The following CHRM5 variants were observed in gnomAD, a reference collection of about 807,000 sequenced individuals.
CHRM5 encodes the protein cholinergic receptor muscarinic 5.
CHRM5 carries 18 observed loss-of-function variants against 39.0 expected under a neutral mutation model. That is an observed-to-expected ratio of 0.46 (90% CI 0.32 to 0.68). The LOEUF is 0.68. CHRM5 is among the 30% of genes least tolerant of loss of function. The probability of loss-of-function intolerance (pLI) is 0.04; values close to 1 mark genes in which losing one functional copy is unlikely to be tolerated. For synonymous variants in CHRM5, 241 were observed against 246.3 expected (o/e 0.98, Z 0.20); for missense variants, 515 against 651.1 (o/e 0.79, Z 2.28).
At position 34,065,487 on chromosome 15, in the gene CHRM5, T is replaced by C. The variant is rs1294840563; in HGVS notation, c.*1171T>C. 1 of 152,198 alleles carries C rather than the reference T, an allele frequency of 6.6e-6. No homozygotes were observed. Among genetic ancestry groups the C allele is most frequent in the East Asian group, 1.9e-4 (1 of 5,198 alleles). The allele number at this position is 152,198 out of a possible 1,614,324, so 9.4% of individuals were successfully genotyped here. ...GGTGGGGGTAGAAAGTCTTTTTTTA[T>C]AGGTCCTTCAAATCAGGGCCTAAAA... On this transcript the variant is annotated 3_prime_UTR_variant, in exon 3 of 3. Transcript: ENST00000383263.
intron 2 of CHRM5, among the ~76,000 whole-genome samples, chr15:34,047,566 C>CA (rs1183123846): frequency 6.6e-6 from 1 of 152,158 alleles, no homozygotes; most frequent in Non-Finnish European, 1.5e-5. Flanking sequence ...CAGTAAAAGC[C>CA]AGAGTCTGCC....
chr15:34,025,016 C>A (rs1207763703), intron 1 of CHRM5, among the ~76,000 whole-genome samples: 2 of 151,670 alleles, frequency 1.3e-5, no homozygotes, highest in Admixed American at 1.3e-4. Context: ...ACTAAAAATA[C>A]AAAAATTAGC....
At chr15:33,989,446 A>C (rs374362523) in intron 1 of CHRM5, among the ~76,000 whole-genome samples, 1 of 140,434 alleles carries the variant, frequency 7.1e-6, no homozygotes, top group East Asian at 2.1e-4. Context: ...TTTTGTTTGG[A>C]GTTTAAAAAA....
intron 1 of CHRM5, among the ~76,000 whole-genome samples, chr15:33,974,910 T>C (rs1895818395): frequency 1.3e-5 from 2 of 152,144 alleles, no homozygotes; most frequent in South Asian, 4.1e-4. Context: ...AGGTGGAGCT[T>C]GCAGTGAGCC....
intron 1 of CHRM5, among the ~76,000 whole-genome samples, chr15:34,021,163 T>C (rs1898182639): frequency 6.6e-6 from 1 of 152,182 alleles, no homozygotes; most frequent in Admixed American, 6.5e-5. Flanking sequence ...TGGGTGAATT[T>C]TTCTATGAAA....
intron 1 of CHRM5, among the ~76,000 whole-genome samples, chr15:34,002,004 T>A (rs1897154852): frequency 6.6e-6 from 1 of 152,228 alleles, no homozygotes; most frequent in Non-Finnish European, 1.5e-5. Context: ...TTTAGCGACG[T>A]AATTGCAGAT....
chr15:33,997,597 C>G (rs1225291336), intron 1 of CHRM5, among the ~76,000 whole-genome samples: 1 of 152,188 alleles, frequency 6.6e-6, no homozygotes, highest in Non-Finnish European at 1.5e-5. Flanking sequence ...ACCTCTCCAA[C>G]TCACACTTTC....
intron 1 of CHRM5, among the ~76,000 whole-genome samples, chr15:34,015,747 G>A (rs927419017): frequency 1.4e-4 from 22 of 151,910 alleles, no homozygotes; most frequent in African/African-American, 4.1e-4. Flanking sequence ...TCAATGACAC[G>A]TCTCACACGG....
chr15:34,006,771 CAA>C (rs1367389341), intron 1 of CHRM5, among the ~76,000 whole-genome samples: 2 of 152,092 alleles, frequency 1.3e-5, no homozygotes, highest in Non-Finnish European at 2.9e-5. Flanking sequence ...CCTTCATTCA[CAA>C]GAGAGTAGTA....
chr15:34,007,374 G>A (rs138480872), intron 1 of CHRM5, among the ~76,000 whole-genome samples: 10 of 152,292 alleles, frequency 6.6e-5, no homozygotes, highest in South Asian at 2.1e-4. Context: ...CAGAAGAGCC[G>A]ACGGCCCCTT....
chr15:34,027,013 G>A lies in CHRM5; in HGVS notation c.-407-19527G>A, dbSNP rs895662603. ...GGCTGCTTCAAAAAATAGAATAGAAGTACTTCCAGAATGATAAAGACCTCT... is the reference window on the plus strand; with the variant it reads ...GGCTGCTTCAAAAAATAGAATAGAAATACTTCCAGAATGATAAAGACCTCT... On this transcript the variant is annotated intron_variant, in intron 1 of 2. Coordinates refer to ENST00000383263, the MANE Select transcript of CHRM5 (RefSeq NM_012125.4). 4.4e-5 allele frequency among the ~76,000 whole-genome samples: 6 copies of A among 137,410 alleles called. No homozygotes were observed. The South Asian group carries it at 7.1e-4, about 16-fold the overall frequency. The allele number at this position is 137,410 out of a possible 152,430, so 90.1% of individuals were successfully genotyped here.
chr15:34,037,463 C>T (rs1281929343), intron 1 of CHRM5, among the ~76,000 whole-genome samples: 3 of 150,328 alleles, frequency 2.0e-5, no homozygotes, highest in Non-Finnish European at 3.0e-5. Context: ...AGATTACTCT[C>T]TATATATGGA....
At chr15:33,975,941 A>C (rs1895866248) in intron 1 of CHRM5, among the ~76,000 whole-genome samples, 1 of 152,138 alleles carries the variant, frequency 6.6e-6, no homozygotes, top group South Asian at 2.1e-4. Context: ...AGAAGAAAAG[A>C]AAAGAAAGAA....
At chr15:34,047,914 C>T (rs1899771492) in intron 2 of CHRM5, among the ~76,000 whole-genome samples, 1 of 152,130 alleles carries the variant, frequency 6.6e-6, no homozygotes, top group Non-Finnish European at 1.5e-5. Flanking sequence ...CACACCAGAT[C>T]CCAGAAATAA....
chr15:34,010,498 G>A (rs1313822848), intron 1 of CHRM5, among the ~76,000 whole-genome samples: 2 of 152,086 alleles, frequency 1.3e-5, no homozygotes. Flanking sequence ...AGTTTTTGCA[G>A]GTCCCTGGTT....
intron 1 of CHRM5, among the ~76,000 whole-genome samples, chr15:33,974,172 A>T (rs1460585095): frequency 6.6e-6 from 1 of 152,190 alleles, no homozygotes; most frequent in Non-Finnish European, 1.5e-5. Flanking sequence ...ATCCAAAAGG[A>T]TCTAAATTGG....
Position 34,067,002 on chromosome 15 carries a change from A to G in CHRM5, c.*2686A>G, listed in dbSNP as rs1900528867. ...CCTCAGAATGAATAGACCTAATTGT[A>G]AACTACAGGGACCTGATGGGTGGGT... On this transcript the variant is annotated 3_prime_UTR_variant, in exon 3 of 3. Transcript: ENST00000383263. The G allele has an allele frequency of 6.6e-6, 1 of 152,184 alleles. No homozygotes were observed. Among genetic ancestry groups the G allele is most frequent in the African/African-American group, 2.4e-5 (1 of 41,446 alleles). 9.4% of individuals were successfully genotyped at this position (152,184 alleles called of 1,614,324 possible).
chr15:33,980,511 C>T (rs1896089571), intron 1 of CHRM5, among the ~76,000 whole-genome samples: 1 of 152,142 alleles, frequency 6.6e-6, no homozygotes, highest in Non-Finnish European at 1.5e-5. Context: ...CCATATATGA[C>T]ATGAGCACAA....
At chr15:34,043,076 T>C (rs1040784840) in intron 1 of CHRM5, among the ~76,000 whole-genome samples, 1 of 151,814 alleles carries the variant, frequency 6.6e-6, no homozygotes, top group African/African-American at 2.4e-5. Flanking sequence ...TGAAACCCCG[T>C]CTCTACTGAA....
Sources: allele counts gnomAD v4.1 joint callset (sites outside exome capture counted in the v4.1 genomes callset), GRCh38; gene constraint gnomAD v4.1.1; transcripts MANE v1.5; gene names NCBI Gene and HGNC (gene_info 2026-07-23, HGNC 2026-07-21).